The following FMN2 variants were observed in gnomAD, a reference collection of about 807,000 sequenced individuals.
FMN2 encodes formin 2.
A neutral mutation model predicts 142.3 loss-of-function variants in FMN2; 51 were observed. That is an observed-to-expected ratio of 0.36 (90% CI 0.29 to 0.45). The LOEUF is 0.45. Ranked by LOEUF, FMN2 falls within the 20% of genes least tolerant of loss-of-function variation. The pLI is 1.00. For synonymous variants in FMN2, 882 were observed against 869.8 expected (o/e 1.01, Z -0.25); for missense variants, 1,936 against 2,122.8 (o/e 0.91, Z 1.73).
intron 6 of FMN2, among the ~76,000 whole-genome samples, chr1:240,236,551 ATCTGC>A (rs1160468079): frequency 1.3e-5 from 2 of 152,192 alleles, no homozygotes; most frequent in Non-Finnish European, 1.5e-5. Flanking sequence ...AGGCACCCAC[ATCTGC>A]TCAGCTTCTG....
intron 13 of FMN2, among the ~76,000 whole-genome samples, chr1:240,342,318 C>A (rs1671770369): frequency 6.6e-6 from 1 of 152,020 alleles, no homozygotes; most frequent in African/African-American, 2.4e-5. Context: ...TACGTTTTTC[C>A]TCACTGAAAA....
intron 14 of FMN2, among the ~76,000 whole-genome samples, chr1:240,385,680 G>C (rs1051282373): frequency 6.6e-6 from 1 of 152,174 alleles, no homozygotes; most frequent in Non-Finnish European, 1.5e-5. Context: ...GATTTGGAGA[G>C]GAATTTCACT....
chr1:240,162,622 G>A (rs1394041848), intron 2 of FMN2, among the ~76,000 whole-genome samples: 1 of 151,996 alleles, frequency 6.6e-6, no homozygotes, highest in African/African-American at 2.4e-5. Context: ...TTTAAAGCCT[G>A]TAGGATCAAT....
At chr1:240,423,227 G>A (rs547929591) in intron 15 of FMN2, among the ~76,000 whole-genome samples, 1 of 152,252 alleles carries the variant, frequency 6.6e-6, no homozygotes, top group East Asian at 1.9e-4. Context: ...AATAAAATTT[G>A]TTACACTTTA....
At chr1:240,276,550 C>T (rs1173245039) in intron 7 of FMN2, among the ~76,000 whole-genome samples, 1 of 152,130 alleles carries the variant, frequency 6.6e-6, no homozygotes, top group East Asian at 1.9e-4. Context: ...CATGTGAACA[C>T]TTAGTTGCAC....
intron 2 of FMN2, among the ~76,000 whole-genome samples, chr1:240,162,829 G>A (rs1664335685): frequency 6.6e-6 from 1 of 151,966 alleles, no homozygotes; most frequent in African/African-American, 2.4e-5. Flanking sequence ...TTCTTTAGAT[G>A]GATATTTAAC....
intron 11 of FMN2, among the ~76,000 whole-genome samples, chr1:240,331,387 T>G (rs1572201772): frequency 6.6e-6 from 1 of 152,190 alleles, no homozygotes; most frequent in East Asian, 1.9e-4. Flanking sequence ...AAATATGAGG[T>G]TAGGAATGAT....
intron 4 of FMN2, among the ~76,000 whole-genome samples, chr1:240,203,815 AAAATT>A (rs1666222539): frequency 6.6e-6 from 1 of 152,166 alleles, no homozygotes; most frequent in Admixed American, 6.5e-5. Flanking sequence ...GACTTAAAAT[AAAATT>A]AAATAATAAA....
At chr1:240,462,471 C>T (rs1425706750) in intron 16 of FMN2, among the ~76,000 whole-genome samples, 1 of 152,126 alleles carries the variant, frequency 6.6e-6, no homozygotes, top group Non-Finnish European at 1.5e-5. Flanking sequence ...GTAGTTTACT[C>T]AAAATGTGAA....
At chr1:240,442,872 T>C (rs1675674940) in intron 16 of FMN2, among the ~76,000 whole-genome samples, 1 of 152,206 alleles carries the variant, frequency 6.6e-6, no homozygotes, top group South Asian at 2.1e-4. Context: ...ACTTACTGGC[T>C]CCAGAATCGT....
intron 8 of FMN2, among the ~76,000 whole-genome samples, chr1:240,311,592 A>G (rs1257375764): frequency 6.6e-6 from 1 of 152,228 alleles, no homozygotes; most frequent in Non-Finnish European, 1.5e-5. Flanking sequence ...GATTGACTCT[A>G]TAAACTTAAT....
chr1:240,405,805 G>A (rs571450819), intron 15 of FMN2, among the ~76,000 whole-genome samples: 5 of 152,282 alleles, frequency 3.3e-5, no homozygotes, highest in Non-Finnish European at 7.3e-5. Context: ...GAAAGCATGA[G>A]TTAGTGATTT....
intron 10 of FMN2, among the ~76,000 whole-genome samples, chr1:240,329,710 A>G (rs138900551): frequency 6.6e-6 from 1 of 152,124 alleles, no homozygotes; most frequent in Non-Finnish European, 1.5e-5. Flanking sequence ...GCCTCCAGAG[A>G]TTTCTCTGCC....
At chr1:240,123,089 TG>T in intron 1 of FMN2, 89 bp from the exon 2 acceptor site, 1 of 1,411,414 alleles carries the variant, frequency 7.1e-7, no homozygotes. Flanking sequence ...TGTTGTTCCC[TG>T]GCAGTGTTTA....
intron 8 of FMN2, among the ~76,000 whole-genome samples, chr1:240,326,751 G>A (rs965675283): frequency 1.3e-5 from 2 of 151,974 alleles, no homozygotes; most frequent in African/African-American, 4.8e-5. Context: ...ATAGAAAGGG[G>A]TTAGGCTCGG....
At chr1:240,291,654 G>A (rs1669797412) in intron 7 of FMN2, among the ~76,000 whole-genome samples, 1 of 152,138 alleles carries the variant, frequency 6.6e-6, no homozygotes, top group African/African-American at 2.4e-5. Flanking sequence ...AGGTAGTTCT[G>A]TACCAGGCTC....
At chr1:240,152,744 C>T (rs946565953) in intron 2 of FMN2, among the ~76,000 whole-genome samples, 8 of 152,170 alleles carry the variant, frequency 5.3e-5, no homozygotes, top group Non-Finnish European at 7.3e-5. Context: ...CTAAGCAGAT[C>T]CATGCAGAGA....
chr1:240,161,394 G>A (rs1257934982), intron 2 of FMN2, among the ~76,000 whole-genome samples: 4 of 152,052 alleles, frequency 2.6e-5, no homozygotes, highest in Admixed American at 6.6e-5. Flanking sequence ...TTAGCCAGGC[G>A]TGGTGGTGGG....
chr1:240,371,031 T>C (rs1227864932), intron 14 of FMN2, among the ~76,000 whole-genome samples: 1 of 152,128 alleles, frequency 6.6e-6, no homozygotes, highest in East Asian at 1.9e-4. Flanking sequence ...CTCCGCCTCC[T>C]GGGTTCAGGC....
Sources: allele counts gnomAD v4.1 joint callset (sites outside exome capture counted in the v4.1 genomes callset), GRCh38; gene constraint gnomAD v4.1.1; transcripts MANE v1.5; gene names NCBI Gene and HGNC (gene_info 2026-07-23, HGNC 2026-07-21).